The following WDR72 variants were observed in gnomAD, a reference collection of about 807,000 sequenced individuals.
The protein encoded by WDR72 is WD repeat-containing protein 72.
Under a neutral mutation model 124.2 loss-of-function variants are expected in WDR72, and 120 were observed. That is an observed-to-expected ratio of 0.97 (90% CI 0.83 to 1.12). WDR72 has a LOEUF of 1.12. Among genes scored for constraint, WDR72 ranks in the 50% most tolerant of loss-of-function variants. The pLI is 0.00. For synonymous variants in WDR72, 452 were observed against 441.7 expected (o/e 1.02, Z -0.29); for missense variants, 1,387 against 1,278.8 (o/e 1.08, Z -1.29).
chr15:53,625,783 G>C (rs573337957), intron 14 of WDR72, among the ~76,000 whole-genome samples: 2 of 143,278 alleles, frequency 1.4e-5, no homozygotes, highest in Non-Finnish European at 3.0e-5. Context: ...AAACAGAAAG[G>C]ACCAACTGTT....
At chr15:53,707,124 C>T (rs1398023060) in intron 9 of WDR72, among the ~76,000 whole-genome samples, 1 of 152,166 alleles carries the variant, frequency 6.6e-6, no homozygotes, top group Non-Finnish European at 1.5e-5. Context: ...AGAAAGCCAA[C>T]TGCTGGTGCT....
intron 18 of WDR72, among the ~76,000 whole-genome samples, chr15:53,535,788 C>G (rs765914423): frequency 1.3e-5 from 2 of 152,144 alleles, no homozygotes; most frequent in African/African-American, 4.8e-5. Flanking sequence ...TCATTTTGTA[C>G]AGCAGAATCT....
chr15:53,688,138 T>C (rs2016707562), intron 13 of WDR72, among the ~76,000 whole-genome samples: 1 of 150,440 alleles, frequency 6.6e-6, no homozygotes, highest in Non-Finnish European at 1.5e-5. Context: ...AAGCATTCCC[T>C]TTGAAAAGTG....
At chr15:53,735,252 C>T (rs1381414189) in intron 1 of WDR72, among the ~76,000 whole-genome samples, 2 of 152,026 alleles carry the variant, frequency 1.3e-5, no homozygotes, top group Non-Finnish European at 2.9e-5. Flanking sequence ...GATTGTGCCA[C>T]TGCACTCCAG....
chr15:53,743,973 CAAAA>C (rs11295149), intron 1 of WDR72, among the ~76,000 whole-genome samples: 1 of 128,710 alleles, frequency 7.8e-6, no homozygotes, highest in Non-Finnish European at 1.7e-5. Context: ...AGACTCGTCT[CAAAA>C]AAAAAAAAAA....
intron 18 of WDR72, among the ~76,000 whole-genome samples, chr15:53,540,011 C>A (rs145982387): frequency 6.6e-6 from 1 of 151,972 alleles, no homozygotes; most frequent in Non-Finnish European, 1.5e-5. Context: ...GAATGCAAAC[C>A]AAAGAGCAAT....
chr15:53,560,623 T>C (rs1038763137), intron 18 of WDR72, among the ~76,000 whole-genome samples: 5 of 151,876 alleles, frequency 3.3e-5, no homozygotes, highest in African/African-American at 1.2e-4. Flanking sequence ...TGCTCTAAAA[T>C]AGAGAATGGC....
At chr15:53,549,981 C>A (rs1011693523) in intron 18 of WDR72, among the ~76,000 whole-genome samples, 1 of 152,058 alleles carries the variant, frequency 6.6e-6, no homozygotes, top group Non-Finnish European at 1.5e-5. Flanking sequence ...CCTGAGTGAA[C>A]TTTTGGTGTC....
intron 1 of WDR72, among the ~76,000 whole-genome samples, chr15:53,742,849 T>C (rs961841628): frequency 1.1e-4 from 16 of 152,212 alleles, no homozygotes; most frequent in Non-Finnish European, 1.8e-4. Flanking sequence ...ACTAAGTATA[T>C]TTTGATATTG....
At chr15:53,583,442 T>C (rs2012036278) in intron 18 of WDR72, among the ~76,000 whole-genome samples, 1 of 151,406 alleles carries the variant, frequency 6.6e-6, no homozygotes, top group South Asian at 2.1e-4. Context: ...TTTGGAAAAC[T>C]TGAAATATGA....
intron 11 of WDR72, among the ~76,000 whole-genome samples, chr15:53,703,496 A>C (rs765856619): frequency 2.0e-5 from 3 of 151,668 alleles, no homozygotes; most frequent in Non-Finnish European, 4.4e-5. Context: ...TTTCCCTCTT[A>C]ACCACAGATG....
intron 14 of WDR72, among the ~76,000 whole-genome samples, chr15:53,641,390 T>C (rs2014844933): frequency 1.3e-5 from 2 of 151,966 alleles, no homozygotes; most frequent in Admixed American, 6.6e-5. Context: ...GATAAATATG[T>C]AGACAGAGAG....
chr15:53,595,089 A>G lies in WDR72; in HGVS notation c.3148+1990T>C, dbSNP rs367849012. Among the ~76,000 whole-genome samples, 7 of 152,198 alleles carry G rather than the reference A, an allele frequency of 4.6e-5. 1 individual carries two copies. Among genetic ancestry groups the G allele is most frequent in the African/African-American group, 1.7e-4 (7 of 41,556 alleles). The stretch of plus-strand genomic sequence containing the variant: ...GAATATGTTCTTGTTCTTTTAAATA[A>G]AGTATTCTAAATTTCTTCCACCAAC... On this transcript the variant is annotated intron_variant, in intron 18 of 19. Transcript: ENST00000360509.
At chr15:53,571,836 C>A (rs551206136) in intron 18 of WDR72, among the ~76,000 whole-genome samples, 29 of 151,928 alleles carry the variant, frequency 1.9e-4, no homozygotes, top group African/African-American at 7.0e-4. Context: ...TAGATTCTCA[C>A]CAACAGTGTG....
At chr15:53,529,258 C>CA (rs986073602) in intron 18 of WDR72, among the ~76,000 whole-genome samples, 1 of 143,902 alleles carries the variant, frequency 6.9e-6, no homozygotes, top group African/African-American at 2.6e-5. Context: ...TTGTTAAAAA[C>CA]AAAAAACAAA....
At chr15:53,559,493 C>T (rs546699844) in intron 18 of WDR72, among the ~76,000 whole-genome samples, 1 of 152,014 alleles carries the variant, frequency 6.6e-6, no homozygotes, top group Non-Finnish European at 1.5e-5. Flanking sequence ...TGACCTCCAA[C>T]CTGATCTGAA....
chr15:53,523,388 C>G (rs1566940656), intron 18 of WDR72, 66 bp from the exon 19 acceptor site: 2 of 1,454,524 alleles, frequency 1.4e-6, no homozygotes, highest in Admixed American at 1.7e-5. Flanking sequence ...GTAGCAAACA[C>G]CATTAAAACA....
chr15:53,732,964 G>A, intron 2 of WDR72, 33 bp downstream of exon 2: 1 of 1,613,628 alleles, frequency 6.2e-7, no homozygotes, highest in South Asian at 1.1e-5. Context: ...TTTGTGAGTG[G>A]TGTCTGTTTC....
chr15:53,607,840 G>A (rs1051507321), intron 17 of WDR72, among the ~76,000 whole-genome samples: 5 of 151,962 alleles, frequency 3.3e-5, no homozygotes, highest in Admixed American at 3.3e-4. Context: ...TAAAAAAATG[G>A]CCAAAATAAT....
Sources: allele counts gnomAD v4.1 joint callset (sites outside exome capture counted in the v4.1 genomes callset), GRCh38; gene constraint gnomAD v4.1.1; transcripts MANE v1.5; gene names NCBI Gene and HGNC (gene_info 2026-07-23, HGNC 2026-07-21).